The following TESC variants were observed in gnomAD, a reference collection of about 807,000 sequenced individuals.
TESC encodes the protein tescalcin.
Under a neutral mutation model 31.0 loss-of-function variants are expected in TESC, and 19 were observed. The observed-to-expected ratio is 0.61, with a 90% confidence interval of 0.43 to 0.90. The LOEUF is 0.90. Ranked by LOEUF, TESC falls within the 40% of genes least tolerant of loss-of-function variation. The probability of loss-of-function intolerance (pLI) is 0.00; values close to 1 mark genes in which losing one functional copy is unlikely to be tolerated. For missense variants in TESC, 248 were observed against 303.8 expected (o/e 0.82, Z 1.36); for synonymous variants, 109 against 114.8 (o/e 0.95, Z 0.32).
chr12:117,068,821 C>A (rs1376190042), intron 2 of TESC, among the ~76,000 whole-genome samples: 1 of 152,202 alleles, frequency 6.6e-6, no homozygotes, highest in African/African-American at 2.4e-5. Context: ...CTGAAGTATT[C>A]CATAGCGTCT....
chr12:117,040,908 C>A (rs983345538), intron 7 of TESC, among the ~76,000 whole-genome samples: 5 of 152,212 alleles, frequency 3.3e-5, no homozygotes, highest in Non-Finnish European at 7.3e-5. Flanking sequence ...CGTGATCCTT[C>A]CTTCCCTAAT....
At chr12:117,076,862 T>C (rs1955081285) in intron 1 of TESC, among the ~76,000 whole-genome samples, 1 of 152,206 alleles carries the variant, frequency 6.6e-6, no homozygotes, top group South Asian at 2.1e-4. Flanking sequence ...AAAGCCAGCC[T>C]TCACCAAGAA....
intron 6 of TESC, among the ~76,000 whole-genome samples, chr12:117,045,189 C>G (rs1218697662): frequency 1.3e-5 from 2 of 152,246 alleles, no homozygotes; most frequent in Non-Finnish European, 2.9e-5. Flanking sequence ...GATGAGCCCT[C>G]TGCCTTGCAG....
At chr12:117,062,686 G>A (rs1043151579) in intron 2 of TESC, among the ~76,000 whole-genome samples, 3 of 152,186 alleles carry the variant, frequency 2.0e-5, no homozygotes, top group Non-Finnish European at 4.4e-5. Context: ...GGAGAGCACC[G>A]GCCTTGAGTC....
intron 1 of TESC, among the ~76,000 whole-genome samples, chr12:117,075,841 G>GTGTGTGTGTATATATATATATATATA: frequency 1.1e-4 from 5 of 44,678 alleles, no homozygotes; most frequent in South Asian, 1.0e-3. Flanking sequence ...ATTTTCGTGT[G>GTGTGTGTGTATATATATATATATATA]TGTGTGTATA....
chr12:117,097,986 C>G (rs1955417897), intron 1 of TESC, among the ~76,000 whole-genome samples: 2 of 152,162 alleles, frequency 1.3e-5, no homozygotes, highest in Non-Finnish European at 2.9e-5. Flanking sequence ...TCTACACACA[C>G]AGAGATACAG....
At chr12:117,078,806 A>G (rs1399355480) in intron 1 of TESC, among the ~76,000 whole-genome samples, 3 of 152,180 alleles carry the variant, frequency 2.0e-5, no homozygotes, top group Non-Finnish European at 4.4e-5. Flanking sequence ...CTTTTGGTTC[A>G]TCTATATTTT....
At chr12:117,080,420 A>G (rs1054719036) in intron 1 of TESC, among the ~76,000 whole-genome samples, 1 of 152,142 alleles carries the variant, frequency 6.6e-6, no homozygotes, top group Non-Finnish European at 1.5e-5. Context: ...GTGAGCCCAG[A>G]TCGCACCACT....
At chr12:117,080,625 C>T (rs1955132783) in intron 1 of TESC, among the ~76,000 whole-genome samples, 1 of 152,182 alleles carries the variant, frequency 6.6e-6, no homozygotes, top group African/African-American at 2.4e-5. Flanking sequence ...ACTCCTCTGG[C>T]ACAGTAACTG....
At chr12:117,095,030 A>AG (rs1555233987) in intron 1 of TESC, among the ~76,000 whole-genome samples, 2 of 139,754 alleles carry the variant, frequency 1.4e-5, no homozygotes, top group African/African-American at 2.8e-5. Flanking sequence ...AAAAAAAAAA[A>AG]AGAGAGAGAG....
intron 1 of TESC, among the ~76,000 whole-genome samples, chr12:117,085,079 T>TGCA (rs1955199919): frequency 6.6e-6 from 1 of 151,750 alleles, no homozygotes; most frequent in Non-Finnish European, 1.5e-5. Context: ...GCAGCGGAGG[T>TGCA]TCTAGGCCAC....
At chr12:117,070,004 T>C (rs1954943458) in intron 2 of TESC, among the ~76,000 whole-genome samples, 2 of 152,186 alleles carry the variant, frequency 1.3e-5, no homozygotes, top group African/African-American at 4.8e-5. Flanking sequence ...TCGCAGATTG[T>C]AGTGGGGTGC....
chr12:117,046,936 CA>C (rs1954575975), intron 4 of TESC, 98 bp from the exon 5 acceptor site: 1 of 1,327,262 alleles, frequency 7.5e-7, no homozygotes, highest in African/African-American at 1.5e-5. Flanking sequence ...CACCAATAAC[CA>C]AACCTCAATG....
At position 117,066,200 on chromosome 12, in the gene TESC, C is replaced by CTTTTTTTTTTTTTTTT. The variant is rs58829406; in HGVS notation, c.128+9055_128+9070dup. On this transcript the variant is annotated intron_variant, in intron 2 of 7. Transcript: ENST00000335209. ...TGTCTGCCCTGTTTCCTTCCTTTAG[C>CTTTTTTTTTTTTTTTT]TTTTTTTTTTTTTTTTTTTTTTTTG... is the stretch of plus-strand genomic sequence containing the variant. 2.1e-3 allele frequency among the ~76,000 whole-genome samples: 135 copies of CTTTTTTTTTTTTTTTT among 62,978 alleles called. 16 individuals are homozygous for CTTTTTTTTTTTTTTTT. The highest frequency in any genetic ancestry group is 3.2e-3 in the African/African-American group (38 of 11,752). 41.3% of individuals were successfully genotyped at this position (62,978 alleles called of 152,430 possible). A position where few individuals can be genotyped will look rare whatever the true frequency, so the allele number is the denominator to read the frequency against.
At chr12:117,066,993 C>T (rs1399491427) in intron 2 of TESC, among the ~76,000 whole-genome samples, 1 of 152,208 alleles carries the variant, frequency 6.6e-6, no homozygotes, top group Non-Finnish European at 1.5e-5. Context: ...CACCTTTTCA[C>T]ACCAAACTAC....
chr12:117,043,180 G>A (rs1954509547), intron 6 of TESC, among the ~76,000 whole-genome samples: 1 of 152,038 alleles, frequency 6.6e-6, no homozygotes, highest in African/African-American at 2.4e-5. Flanking sequence ...GAGAAAATGG[G>A]AAGCCACATC....
At chr12:117,092,328 C>G (rs577083025) in intron 1 of TESC, among the ~76,000 whole-genome samples, 1 of 152,144 alleles carries the variant, frequency 6.6e-6, no homozygotes, top group Non-Finnish European at 1.5e-5. Flanking sequence ...TCTGTGGCTG[C>G]GACAGATGGT....
intron 2 of TESC, among the ~76,000 whole-genome samples, chr12:117,060,639 G>A (rs115539397): frequency 0.042 from 6,377 of 152,214 alleles, 164 homozygotes; most frequent in South Asian, 0.1. Flanking sequence ...CCCCACAAGG[G>A]CTCCTATTAT....
In TESC at chr12:117,056,824, CG is replaced by C; in HGVS notation, c.190del (p.Arg64ValfsTer26). On this transcript the variant is annotated frameshift_variant, in exon 3 of 8. Transcript: ENST00000335209. LOFTEE classifies it high-confidence loss of function. Reference sequence around the variant, plus strand: ...CGCCCACCTGTTGTCGAAGAAGGCACGAACAATTTTGGATCGGATGGGGTTG... The same window carrying C: ...CGCCCACCTGTTGTCGAAGAAGGCACAACAATTTTGGATCGGATGGGGTTG... ...ELNPIRSKIV[R>X]AFFDNRNLRK... 1 of 1,614,120 alleles carries C rather than the reference CG, an allele frequency of 6.2e-7. No homozygotes were observed. The highest frequency in any genetic ancestry group is 8.5e-7 in the Non-Finnish European group (1 of 1,180,012).
Sources: allele counts gnomAD v4.1 joint callset (sites outside exome capture counted in the v4.1 genomes callset), GRCh38; gene constraint gnomAD v4.1.1; transcripts MANE v1.5; gene names NCBI Gene and HGNC (gene_info 2026-07-23, HGNC 2026-07-21).